Variants in PRR16 observed in about 807,000 individuals in gnomAD.
PRR16 encodes the protein protein Largen.
In PRR16, 6 loss-of-function variants were observed where a neutral mutation model predicts 18.2. The ratio of observed to expected loss-of-function variants is 0.33; its 90% CI spans 0.18 to 0.65. PRR16 has a LOEUF of 0.65. Among genes scored for constraint, PRR16 ranks in the 30% least tolerant of loss-of-function variants. The pLI is 0.74. For synonymous variants in PRR16, 151 were observed against 147.8 expected, an observed-to-expected ratio of 1.02 and a Z score of -0.16; for missense variants, 412 against 376.6, an observed-to-expected ratio of 1.09 and a Z score of -0.78.
intron 1 of PRR16, among the ~76,000 whole-genome samples, chr5:120,639,414 A>G (rs887922858): frequency 6.6e-6 from 1 of 152,080 alleles, no homozygotes; most frequent in Non-Finnish European, 1.5e-5. Flanking sequence ...TTGACTGGCT[A>G]AACTAAGTGA....
intron 1 of PRR16, among the ~76,000 whole-genome samples, chr5:120,630,347 G>A (rs1317333770): frequency 6.6e-6 from 1 of 151,588 alleles, no homozygotes; most frequent in Non-Finnish European, 1.5e-5. Flanking sequence ...TTGTTCTCTG[G>A]GCTGACTTTC....
At chr5:120,768,974 C>T in the PRR16 span, among the ~76,000 whole-genome samples, 2 of 151,576 alleles carry the variant, frequency 1.3e-5, no homozygotes, top group Non-Finnish European at 3.0e-5. Flanking sequence ...GACAGTCTTA[C>T]CAAAATTTAT....
At chr5:120,586,645 A>G (rs1189398214) in intron 1 of PRR16, among the ~76,000 whole-genome samples, 1 of 152,164 alleles carries the variant, frequency 6.6e-6, no homozygotes, top group Non-Finnish European at 1.5e-5. Context: ...AAAAATGCCT[A>G]TATAAGACTT....
chr5:120,752,572 TAAA>T, the PRR16 span, among the ~76,000 whole-genome samples: 1 of 151,998 alleles, frequency 6.6e-6, no homozygotes, highest in Non-Finnish European at 1.5e-5. Flanking sequence ...AGATTTTCCT[TAAA>T]AATTTCCTAT....
chr5:120,587,752 G>A (rs1753495735), intron 1 of PRR16, among the ~76,000 whole-genome samples: 1 of 152,310 alleles, frequency 6.6e-6, no homozygotes, highest in Admixed American at 6.5e-5. Context: ...TTTCATGCCT[G>A]TTATCACAAC....
the PRR16 span, among the ~76,000 whole-genome samples, chr5:120,779,650 CTGTAT>C: frequency 6.6e-6 from 1 of 152,100 alleles, no homozygotes; most frequent in African/African-American, 2.4e-5. Context: ...TTTTTATGCT[CTGTAT>C]TGTATTACCC....
the PRR16 span, among the ~76,000 whole-genome samples, chr5:120,742,091 T>C: frequency 6.6e-6 from 1 of 152,106 alleles, no homozygotes; most frequent in East Asian, 1.9e-4. Flanking sequence ...TTAAGCTTTT[T>C]GTATCACTGT....
rs146448896 is a variant in PRR16 at position 120,503,229 on chromosome 5, T to A, written c.159+38584T>A. ...CAGACTCTAGGGCCTAAATTTCATA[T>A]TTGATGAGTGAGGGAAAAGGAGCAA... On this transcript the variant is annotated intron_variant, in intron 1 of 1. Coordinates refer to ENST00000407149, the MANE Select transcript of PRR16 (RefSeq NM_001300783.2). Among the ~76,000 whole-genome samples, 52 of 152,256 alleles carry A rather than the reference T, an allele frequency of 3.4e-4. No individual in the cohort carries two copies. The East Asian group carries it at 9.1e-3, about 27-fold the overall frequency.
chr5:120,634,907 A>G (rs544525008), intron 1 of PRR16, among the ~76,000 whole-genome samples: 4 of 152,182 alleles, frequency 2.6e-5, no homozygotes, highest in African/African-American at 9.6e-5. Flanking sequence ...ATCCAAGTAA[A>G]CTCAATTAGA....
rs145100107 is a variant in PRR16 at position 120,479,149 on chromosome 5, T to C, written c.159+14504T>C. 7.5e-3 allele frequency among the ~76,000 whole-genome samples: 1,138 copies of C among 152,270 alleles called. 22 individuals are homozygous for C. The highest frequency in any genetic ancestry group is 0.026 in the African/African-American group (1,091 of 41,546). On this transcript the variant is annotated intron_variant, in intron 1 of 1. Coordinates refer to ENST00000407149, the MANE Select transcript of PRR16 (RefSeq NM_001300783.2). Reference sequence around the variant, plus strand: ...AGTACTACAGTCGTTAAGGTAGAAATGGGGCTTTCCTAACCTAATATTGTT... The same window carrying C: ...AGTACTACAGTCGTTAAGGTAGAAACGGGGCTTTCCTAACCTAATATTGTT...
At chr5:120,569,699 T>C (rs1424825190) in intron 1 of PRR16, among the ~76,000 whole-genome samples, 3 of 151,702 alleles carry the variant, frequency 2.0e-5, no homozygotes, top group Non-Finnish European at 4.4e-5. Flanking sequence ...TGTTCCGGAG[T>C]GATCAAGGCA....
chr5:120,634,370 A>G (rs1755157923), intron 1 of PRR16, among the ~76,000 whole-genome samples: 1 of 152,172 alleles, frequency 6.6e-6, no homozygotes, highest in African/African-American at 2.4e-5. Context: ...AGGGCCGGGC[A>G]TGGTGGTTCA....
At chr5:120,473,525 G>A (rs762069076) in intron 1 of PRR16, among the ~76,000 whole-genome samples, 4 of 152,184 alleles carry the variant, frequency 2.6e-5, no homozygotes, top group Non-Finnish European at 4.4e-5. Context: ...GGTTGGTTAT[G>A]AAGATTAAAT....
intron 1 of PRR16, among the ~76,000 whole-genome samples, chr5:120,495,644 T>C (rs190137576): frequency 1.3e-5 from 2 of 152,232 alleles, no homozygotes; most frequent in East Asian, 1.9e-4. Context: ...ATGTTATTTT[T>C]AATTTTGGTA....
At chr5:120,748,324 CAT>C in the PRR16 span, among the ~76,000 whole-genome samples, 11 of 152,198 alleles carry the variant, frequency 7.2e-5, no homozygotes, top group African/African-American at 2.6e-4. Context: ...TCTTCTAAAA[CAT>C]ATTTGCTTTA....
intron 1 of PRR16, among the ~76,000 whole-genome samples, chr5:120,543,934 G>T (rs1231658788): frequency 6.6e-6 from 1 of 152,138 alleles, no homozygotes; most frequent in Non-Finnish European, 1.5e-5. Flanking sequence ...GGAGTGTGTT[G>T]GCTTTACAGA....
rs567054301 is a variant in PRR16 at position 120,498,315 on chromosome 5, A to G, written c.159+33670A>G. On this transcript the variant is annotated intron_variant, in intron 1 of 1. Coordinates refer to ENST00000407149, the MANE Select transcript of PRR16 (RefSeq NM_001300783.2). ...ATATATATAAAAATACCTATGTTAT[A>G]TATATACACATACATATATACATAT... 9.4e-5 allele frequency among the ~76,000 whole-genome samples: 14 copies of G among 148,936 alleles called. No homozygotes were observed. In the East Asian group the frequency reaches 2.5e-3, roughly 27 times the overall value.
At chr5:120,556,252 T>TTTTTTTG (rs1752408256) in intron 1 of PRR16, among the ~76,000 whole-genome samples, 1 of 149,090 alleles carries the variant, frequency 6.7e-6, no homozygotes, top group Admixed American at 6.7e-5. Flanking sequence ...TTTTTTTTTT[T>TTTTTTTG]GTACCATGCT....
chr5:120,540,528 C>T lies in PRR16; in HGVS notation c.159+75883C>T, dbSNP rs114816449. On this transcript the variant is annotated intron_variant, in intron 1 of 1. Transcript: ENST00000407149. Reference sequence around the variant, plus strand: ...TATTTTGGTCACGTAGCCTTGTATACTGTCCCTTGAAAATATGATGTCCCT... The same window carrying T: ...TATTTTGGTCACGTAGCCTTGTATATTGTCCCTTGAAAATATGATGTCCCT... Among the ~76,000 whole-genome samples, 547 of 152,262 alleles carry T rather than the reference C, an allele frequency of 3.6e-3. 1 individual carries two copies. The highest frequency in any genetic ancestry group is 0.012 in the African/African-American group (517 of 41,554).
Sources: allele counts gnomAD v4.1 joint callset (sites outside exome capture counted in the v4.1 genomes callset), GRCh38; gene constraint gnomAD v4.1.1; transcripts MANE v1.5; gene names NCBI Gene and HGNC (gene_info 2026-07-23, HGNC 2026-07-21).